Variants in ATP2B1 observed in about 807,000 individuals in gnomAD.
The protein encoded by ATP2B1 is ATPase plasma membrane Ca2+ transporting 1, also known as plasma membrane calcium-transporting ATPase 1.
ATP2B1 carries 14 observed loss-of-function variants against 124.2 expected under a neutral mutation model. The observed-to-expected ratio is 0.11, with a 90% CI of 0.07 to 0.18. The LOEUF (loss-of-function observed/expected upper bound fraction) is 0.18. ATP2B1 is among the 10% of genes least tolerant of loss of function. The probability of loss-of-function intolerance (pLI) is 1.00; values close to 1 mark genes in which losing one functional copy is unlikely to be tolerated. For synonymous variants in ATP2B1, 449 were observed against 492.4 expected (o/e 0.91, Z 1.17); for missense variants, 763 against 1,466.1 (o/e 0.52, Z 7.83).
At position 89,603,339 on chromosome 12, in the gene ATP2B1, CT is replaced by C; in HGVS notation, c.2849-86del. 3 of 1,121,712 alleles carry C rather than the reference CT, an allele frequency of 2.7e-6. No homozygotes were observed. Among genetic ancestry groups the C allele is most frequent in the Non-Finnish European group, 2.5e-6 (2 of 806,828 alleles). 69.5% of individuals were successfully genotyped at this position (1,121,712 alleles called of 1,614,324 possible). A position where few individuals can be genotyped will look rare whatever the true frequency, so the allele number is the denominator to read the frequency against. ...TATACAAATTACAACTTAGCTAGACCTTTTATTTGATCTGAAATGGCAGCAT... is the reference window on the plus strand; with the variant it reads ...TATACAAATTACAACTTAGCTAGACCTTTATTTGATCTGAAATGGCAGCAT... On this transcript the variant is annotated intron_variant, in intron 17 of 20. Coordinates refer to ENST00000428670, the MANE Select transcript of ATP2B1 (RefSeq NM_001366521.1). This position sits in a 1 kb window ranked among gnomAD's most constrained non-coding sequence, Gnocchi z 4.3.
Position 89,601,339 on chromosome 12 carries a change from A to C in ATP2B1, c.3155T>G (p.Leu1052Ter). 1 of 1,567,450 alleles carries C rather than the reference A, an allele frequency of 6.4e-7. No homozygotes were observed. The highest frequency in any genetic ancestry group is 8.6e-7 in the Non-Finnish European group (1 of 1,165,560). The change falls in exon 19 of 21, where the codon TTA becomes TGA. Residue 1052 changes from leucine to a stop codon, truncating the protein, a stop_gained. Transcript: ENST00000428670. LOFTEE classifies it high-confidence loss of function. Reference sequence around the variant, plus strand: ...TGAAATTTTTACCTGGCCCCAGAGTAATGTTCCCATTCCTAGGAATATTGA... The same window carrying C: ...TGAAATTTTTACCTGGCCCCAGAGTCATGTTCCCATTCCTAGGAATATTGA... ...LWSIFLGMGT[L>*]LWGQLISTIP... is the part of the protein sequence containing the mutation.
chr12:89,702,507 G>C (rs1163455379), intron 1 of ATP2B1, among the ~76,000 whole-genome samples: 1 of 152,118 alleles, frequency 6.6e-6, no homozygotes, highest in African/African-American at 2.4e-5. Context: ...CTCACTCACA[G>C]GGTTAATACA....
At chr12:89,709,096 C>T (rs1207788287), upstream of ATP2B1, 1 of 150,784 alleles carries the variant, frequency 6.6e-6, no homozygotes, top group African/African-American at 2.4e-5. Flanking sequence ...GGGCGGGGCC[C>T]GCGGGCACCG....
chr12:89,627,929 T>TAAA (rs1319575387), intron 6 of ATP2B1, among the ~76,000 whole-genome samples: 19 of 152,368 alleles, frequency 1.2e-4, no homozygotes, highest in Non-Finnish European at 1.9e-4. Flanking sequence ...TTAGGGTGTC[T>TAAA]ATATTTGTTT....
At chr12:89,682,834 A>C (rs926546642) in intron 1 of ATP2B1, among the ~76,000 whole-genome samples, 1 of 152,224 alleles carries the variant, frequency 6.6e-6, no homozygotes, top group Admixed American at 6.5e-5. Context: ...TAAGCGTGAT[A>C]AATTTGACCA....
chr12:89,679,938 TG>T (rs1889131376), intron 1 of ATP2B1, among the ~76,000 whole-genome samples: 3 of 152,030 alleles, frequency 2.0e-5, no homozygotes, highest in Non-Finnish European at 2.9e-5. Context: ...CTTGGAGATA[TG>T]GCAGTAAAGG....
intron 1 of ATP2B1, among the ~76,000 whole-genome samples, chr12:89,682,443 T>C (rs1889469135): frequency 6.6e-6 from 1 of 152,178 alleles, no homozygotes; most frequent in African/African-American, 2.4e-5. Context: ...ATATTAGCTC[T>C]ACCAGATACT....
chr12:89,637,520 C>T (rs1156809201), intron 3 of ATP2B1, among the ~76,000 whole-genome samples: 5 of 151,900 alleles, frequency 3.3e-5, no homozygotes, highest in Non-Finnish European at 1.5e-5. Flanking sequence ...ACCTCAGCCT[C>T]CCAAGTAGCT....
chr12:89,702,164 G>T (rs778681049), intron 1 of ATP2B1, among the ~76,000 whole-genome samples: 1 of 152,198 alleles, frequency 6.6e-6, no homozygotes, highest in Non-Finnish European at 1.5e-5. Context: ...AAGTACCAGA[G>T]AAGTTCCAAA....
intron 11 of ATP2B1, among the ~76,000 whole-genome samples, chr12:89,618,767 C>A (rs972198489): frequency 4.6e-5 from 7 of 152,182 alleles, no homozygotes; most frequent in African/African-American, 1.7e-4. Context: ...ACAGTGTGAT[C>A]TCTCACCCAA....
At chr12:89,671,455 AGAG>A (rs1487518217) in intron 1 of ATP2B1, among the ~76,000 whole-genome samples, 1 of 152,202 alleles carries the variant, frequency 6.6e-6, no homozygotes, top group African/African-American at 2.4e-5. Flanking sequence ...ACCAGAGTTA[AGAG>A]GAGGACACCT....
rs1873507798 is a variant in ATP2B1, at chr12:89,591,274, G to A, written c.3373C>T (p.Arg1125Cys). The part of the protein sequence containing the change: ...QTQIRVVNAF[R>C]SSLYEGLEKP... ...TCTAACCCTTCATATAAAGAACTACGAAATGCATTCACCACTCGAATCTGT... is the reference window on the plus strand; with the variant it reads ...TCTAACCCTTCATATAAAGAACTACAAAATGCATTCACCACTCGAATCTGT... The change falls in exon 21 of 21, where the codon CGT becomes TGT. Residue 1125 changes from arginine to cysteine, a missense_variant. Physicochemically the swap from Arg to Cys is radical, Grantham distance 180. Coordinates refer to ENST00000428670, the MANE Select transcript of ATP2B1 (RefSeq NM_001366521.1). 6.2e-7 allele frequency: 1 copy of A among 1,609,880 alleles called. No individual in the cohort carries two copies. Among genetic ancestry groups the A allele is most frequent in the South Asian group, 1.1e-5 (1 of 90,962 alleles).
At chr12:89,637,025 G>A (rs770672766) in intron 3 of ATP2B1, among the ~76,000 whole-genome samples, 6 of 152,192 alleles carry the variant, frequency 3.9e-5, no homozygotes, top group East Asian at 1.9e-4. Flanking sequence ...TCTGGACTCA[G>A]AATCAGATGA....
chr12:89,696,636 ATT>A (rs896298731), intron 1 of ATP2B1, among the ~76,000 whole-genome samples: 1 of 152,226 alleles, frequency 6.6e-6, no homozygotes, highest in African/African-American at 2.4e-5. Flanking sequence ...ATTATGAGTG[ATT>A]TGTTTCACTT....
At chr12:89,597,237 T>G (rs578184043) in intron 20 of ATP2B1, among the ~76,000 whole-genome samples, 129 of 152,158 alleles carry the variant, frequency 8.5e-4, no homozygotes, top group African/African-American at 3.1e-3. Context: ...GAAGAGGCAT[T>G]TTTATTGTAT....
chr12:89,625,685 G>A (rs920428126), intron 8 of ATP2B1, among the ~76,000 whole-genome samples: 1 of 151,702 alleles, frequency 6.6e-6, no homozygotes, highest in Non-Finnish European at 1.5e-5. Flanking sequence ...TCTACTAAGT[G>A]GATTTACCAC....
intron 1 of ATP2B1, among the ~76,000 whole-genome samples, chr12:89,670,122 A>G (rs1397410311): frequency 6.6e-6 from 1 of 152,196 alleles, no homozygotes; most frequent in Non-Finnish European, 1.5e-5. Flanking sequence ...TCTTTGTGAC[A>G]CAATATTCAG....
chr12:89,617,083 T>TTATTTTTTTAA, intron 11 of ATP2B1, 44 bp from the exon 12 acceptor site: 1 of 1,470,570 alleles, frequency 6.8e-7, no homozygotes, highest in Non-Finnish European at 9.5e-7. Flanking sequence ...TTTAAAAAAA[T>TTATTTTTTTAA]AATGGTTAAT....
intron 1 of ATP2B1, among the ~76,000 whole-genome samples, chr12:89,669,653 G>C (rs1348758544): frequency 6.6e-6 from 1 of 152,078 alleles, no homozygotes; most frequent in Non-Finnish European, 1.5e-5. Flanking sequence ...CTAGGGCCTG[G>C]CACTTAATAA....
Sources: gnomAD v4.1 joint callset for allele counts (sites outside exome capture counted in the v4.1 genomes callset) on GRCh38, gnomAD v4.1.1 for gene constraint, Gnocchi (gnomAD v3.1) non-coding constraint, MANE v1.5 for transcripts, NCBI Gene and HGNC (gene_info 2026-07-23, HGNC 2026-07-21) for gene names.